CCSER1: variants seen among roughly 807,000 people sequenced by gnomAD.
The protein encoded by CCSER1 is serine-rich coiled-coil domain-containing protein 1.
In CCSER1, 41 loss-of-function variants were observed where a neutral mutation model predicts 82.0. The ratio of observed to expected loss-of-function variants is 0.50; its 90% CI spans 0.39 to 0.65. The LOEUF is 0.65. Among genes scored for constraint, CCSER1 ranks in the 30% least tolerant of loss-of-function variants. The pLI, the probability that CCSER1 is intolerant of heterozygous loss-of-function variation, is 0.00. For synonymous variants in CCSER1, 414 were observed against 383.9 expected (o/e 1.08, Z -0.92); for missense variants, 1,119 against 1,064.2 (o/e 1.05, Z -0.72).
At chr4:90,685,732 T>A (rs1232367394) in intron 6 of CCSER1, among the ~76,000 whole-genome samples, 4 of 152,196 alleles carry the variant, frequency 2.6e-5, no homozygotes, top group Non-Finnish European at 4.4e-5. Context: ...AAAGACAACT[T>A]ACATGAACAC....
At chr4:91,487,099 A>C (rs939144792) in intron 10 of CCSER1, among the ~76,000 whole-genome samples, 1 of 152,136 alleles carries the variant, frequency 6.6e-6, no homozygotes, top group African/African-American at 2.4e-5. Context: ...TAGAATCAGC[A>C]CAGCTTCTTA....
At chr4:90,345,482 A>G (rs1742157084) in intron 3 of CCSER1, among the ~76,000 whole-genome samples, 1 of 152,098 alleles carries the variant, frequency 6.6e-6, no homozygotes, top group Non-Finnish European at 1.5e-5. Flanking sequence ...TTTAAATTCT[A>G]CTTGGTTATT....
At chr4:91,343,658 G>A (rs1747867405) in intron 10 of CCSER1, among the ~76,000 whole-genome samples, 2 of 152,034 alleles carry the variant, frequency 1.3e-5, no homozygotes, top group African/African-American at 4.8e-5. Flanking sequence ...TCTTGAGATA[G>A]AATTTTTAAT....
intron 1 of CCSER1, among the ~76,000 whole-genome samples, chr4:90,269,119 A>G (rs1725777863): frequency 6.6e-6 from 1 of 152,154 alleles, no homozygotes; most frequent in African/African-American, 2.4e-5. Flanking sequence ...AACTTTCAGC[A>G]TTGGACAGAT....
At chr4:90,364,332 A>G (rs948240391) in intron 3 of CCSER1, among the ~76,000 whole-genome samples, 6 of 152,004 alleles carry the variant, frequency 3.9e-5, no homozygotes, top group Non-Finnish European at 7.4e-5. Context: ...TCTTTATTCC[A>G]AGGATTAAGT....
At chr4:90,331,147 A>AT (rs1739203693) in intron 3 of CCSER1, among the ~76,000 whole-genome samples, 1 of 151,982 alleles carries the variant, frequency 6.6e-6, no homozygotes, top group Non-Finnish European at 1.5e-5. Context: ...AAGCAAGCCT[A>AT]TTTTACTGAA....
At chr4:91,494,652 T>C (rs1183716763) in intron 10 of CCSER1, among the ~76,000 whole-genome samples, 1 of 151,792 alleles carries the variant, frequency 6.6e-6, no homozygotes, top group Non-Finnish European at 1.5e-5. Context: ...AAAATTACTT[T>C]TCAATGCTGA....
intron 4 of CCSER1, among the ~76,000 whole-genome samples, chr4:90,407,332 T>C (rs1027330027): frequency 1.3e-5 from 2 of 152,094 alleles, no homozygotes; most frequent in African/African-American, 2.4e-5. Flanking sequence ...AACAGACCAA[T>C]AATAAGCAGC....
intron 1 of CCSER1, among the ~76,000 whole-genome samples, chr4:90,219,201 A>G (rs1044904694): frequency 2.0e-5 from 3 of 152,192 alleles, no homozygotes; most frequent in Non-Finnish European, 2.9e-5. Flanking sequence ...AGGAAAATGA[A>G]CTTTTTGTGA....
chr4:91,099,695 G>C (rs1724862713), intron 10 of CCSER1, among the ~76,000 whole-genome samples: 1 of 152,120 alleles, frequency 6.6e-6, no homozygotes, highest in South Asian at 2.1e-4. Flanking sequence ...TCCAGGCTAT[G>C]GGTAAATTTA....
chr4:90,809,722 T>G (rs1482157908), intron 7 of CCSER1, among the ~76,000 whole-genome samples: 1 of 138,492 alleles, frequency 7.2e-6, no homozygotes, highest in Admixed American at 7.2e-5. Context: ...ATTAAAAAAA[T>G]AATAAGGTAA....
At chr4:90,717,781 G>A (rs528930249) in intron 6 of CCSER1, among the ~76,000 whole-genome samples, 1 of 148,772 alleles carries the variant, frequency 6.7e-6, no homozygotes, top group South Asian at 2.1e-4. Context: ...GTATATATAT[G>A]TGTGTATATA....
intron 7 of CCSER1, among the ~76,000 whole-genome samples, chr4:90,777,312 GT>G (rs1753045832): frequency 7.3e-6 from 1 of 136,590 alleles, no homozygotes; most frequent in Admixed American, 8.0e-5. Flanking sequence ...AGCTGAGGTA[GT>G]GCCATTGTAC....
intron 3 of CCSER1, among the ~76,000 whole-genome samples, chr4:90,326,347 A>G (rs901454093): frequency 2.0e-4 from 31 of 152,228 alleles, no homozygotes; most frequent in African/African-American, 7.5e-4. Context: ...GGCGTGAGCC[A>G]CCGTGCCCAG....
At chr4:91,436,391 A>G (rs1754651297) in intron 10 of CCSER1, among the ~76,000 whole-genome samples, 1 of 152,246 alleles carries the variant, frequency 6.6e-6, no homozygotes, top group African/African-American at 2.4e-5. Context: ...GAAAGGAAAT[A>G]GGAATCACTT....
intron 10 of CCSER1, among the ~76,000 whole-genome samples, chr4:91,422,837 A>G (rs751350068): frequency 6.6e-5 from 10 of 152,218 alleles, no homozygotes; most frequent in African/African-American, 9.7e-5. Context: ...CTCAAGTTCT[A>G]TAACAGTAAA....
At chr4:90,608,669 A>T (rs1477898437) in intron 5 of CCSER1, among the ~76,000 whole-genome samples, 2 of 152,166 alleles carry the variant, frequency 1.3e-5, no homozygotes, top group East Asian at 3.9e-4. Context: ...TGCATAATGT[A>T]AAATTACACA....
At chr4:90,612,008 C>A (rs1233717820) in intron 5 of CCSER1, among the ~76,000 whole-genome samples, 2 of 151,520 alleles carry the variant, frequency 1.3e-5, no homozygotes, top group African/African-American at 4.8e-5. Context: ...CTTTTATTTA[C>A]CTTATTTTCA....
At chr4:90,875,650 T>C (rs1231631470) in intron 8 of CCSER1, among the ~76,000 whole-genome samples, 1 of 152,156 alleles carries the variant, frequency 6.6e-6, no homozygotes, top group Non-Finnish European at 1.5e-5. Flanking sequence ...TTCCCTAAGG[T>C]ATTATATAGT....
Sources: allele counts gnomAD v4.1 joint callset (sites outside exome capture counted in the v4.1 genomes callset), GRCh38; gene constraint gnomAD v4.1.1; transcripts MANE v1.5; gene names NCBI Gene and HGNC (gene_info 2026-07-23, HGNC 2026-07-21).